Variants in MTOR observed in about 807,000 individuals in gnomAD.
MTOR encodes mechanistic target of rapamycin kinase.
Under a neutral mutation model 319.8 loss-of-function variants are expected in MTOR, and 70 were observed. The ratio of observed to expected loss-of-function variants is 0.22; its 90% CI spans 0.18 to 0.27. The LOEUF is 0.27. Ranked by LOEUF, MTOR falls within the 10% of genes least tolerant of loss-of-function variation. The pLI, the probability that MTOR is intolerant of heterozygous loss-of-function variation, is 1.00. For synonymous variants in MTOR, 1,183 were observed against 1,211.4 expected (o/e 0.98, Z 0.49); for missense variants, 1,890 against 3,274.4 (o/e 0.58, Z 10.32).
intron 30 of MTOR, among the ~76,000 whole-genome samples, chr1:11,150,608 T>TC (rs991989319): frequency 4.6e-5 from 7 of 152,312 alleles, no homozygotes; most frequent in African/African-American, 1.4e-4. Context: ...CATTTTGGGC[T>TC]CAAAGCTATA....
intron 4 of MTOR, 81 bp from the exon 5 acceptor site, chr1:11,256,273 A>G: frequency 6.6e-7 from 1 of 1,523,496 alleles, no homozygotes; most frequent in Non-Finnish European, 8.8e-7. Flanking sequence ...GTCATCTTAG[A>G]GCCATACACA....
At chr1:11,135,638 A>G (rs997494543) in intron 36 of MTOR, among the ~76,000 whole-genome samples, 22 of 152,112 alleles carry the variant, frequency 1.4e-4, no homozygotes, top group African/African-American at 5.1e-4. Flanking sequence ...GTTCCAGACC[A>G]GCCTGGCCAA....
At chr1:11,233,821 G>T (rs1647102940) in intron 14 of MTOR, among the ~76,000 whole-genome samples, 1 of 152,182 alleles carries the variant, frequency 6.6e-6, no homozygotes, top group Non-Finnish European at 1.5e-5. Flanking sequence ...GGTTGTTTCA[G>T]ATTTTCAAGC....
At chr1:11,137,245 G>A (rs1471638131) in intron 36 of MTOR, among the ~76,000 whole-genome samples, 3 of 149,918 alleles carry the variant, frequency 2.0e-5, no homozygotes, top group Non-Finnish European at 3.0e-5. Context: ...CATTGCATAC[G>A]TCACGCAGGT....
Position 11,228,997 on chromosome 1 carries a change from A to G in MTOR, c.2780-79T>C. 2.6e-6 allele frequency: 4 copies of G among 1,520,154 alleles called. No homozygotes were observed. In the South Asian group the frequency reaches 4.8e-5, roughly 18 times the overall value. 94.2% of individuals were successfully genotyped at this position (1,520,154 alleles called of 1,614,324 possible). A position where few individuals can be genotyped will look rare whatever the true frequency, so the allele number is the denominator to read the frequency against. On this transcript the variant is annotated intron_variant, in intron 18 of 57. Coordinates refer to ENST00000361445, the MANE Select transcript of MTOR (RefSeq NM_004958.4). Reference sequence around the variant, plus strand: ...AGGCAGAGCATGGTTAGTAACAAACAACCTCCTAACAGACATTAGCATTCA... The same window carrying G: ...AGGCAGAGCATGGTTAGTAACAAACGACCTCCTAACAGACATTAGCATTCA...
rs759748160 is a variant in MTOR at position 11,212,823 on chromosome 1, G to A, written c.3371C>T (p.Ala1124Val). Residue 1124 changes from alanine (A) to valine (V), a missense_variant, in exon 22 of 58, where the codon GCC becomes GTC. Ala to Val is a moderately conservative substitution (Grantham distance 64). Transcript: ENST00000361445. This position sits in a 1 kb window ranked among gnomAD's most constrained non-coding sequence, Gnocchi z 4.1. ...LLPPIVKLFD[A>V]PEAPLPSRKA... ...TCGAGATGGCAGTGGAGCTTCAGGG[G>A]CATCAAACAACTTAACAATAGGAGG... 1.2e-6 allele frequency: 2 copies of A among 1,613,974 alleles called. No individual in the cohort carries two copies. The highest frequency in any genetic ancestry group is 1.7e-6 in the Non-Finnish European group (2 of 1,179,886).
At chr1:11,238,664 G>C in intron 11 of MTOR, 47 bp from the exon 12 acceptor site, 1 of 1,518,556 alleles carries the variant, frequency 6.6e-7, no homozygotes, top group Non-Finnish European at 9.0e-7. Flanking sequence ...TGCTGCTGTA[G>C]ACAGGTAGGT....
chr1:11,194,187 C>T (rs1312303144), intron 28 of MTOR, among the ~76,000 whole-genome samples: 7 of 152,102 alleles, frequency 4.6e-5, no homozygotes, highest in Non-Finnish European at 8.8e-5. Context: ...TGGGATTCAG[C>T]AAAAACATAG....
intron 14 of MTOR, 29 bp from the exon 15 acceptor site, chr1:11,233,516 T>G (rs756711583): frequency 2.6e-6 from 4 of 1,554,262 alleles, no homozygotes; most frequent in Admixed American, 1.7e-5. Flanking sequence ...AGAAAATGAA[T>G]GCAGATTAGA....
At chr1:11,246,602 T>G (rs898329951) in intron 8 of MTOR, among the ~76,000 whole-genome samples, 6 of 83,412 alleles carry the variant, frequency 7.2e-5, no homozygotes, top group Non-Finnish European at 1.6e-4. Context: ...CTGTGGTTTG[T>G]CTGGCTGGGT....
intron 26 of MTOR, among the ~76,000 whole-genome samples, chr1:11,203,074 G>A (rs970165484): frequency 1.3e-5 from 2 of 151,816 alleles, no homozygotes; most frequent in African/African-American, 4.8e-5. Flanking sequence ...ATAGCCGGGC[G>A]TGGTGGCGTG....
At chr1:11,130,863 A>T in intron 38 of MTOR, 86 bp from the exon 39 acceptor site, 1 of 1,478,260 alleles carries the variant, frequency 6.8e-7, no homozygotes, top group Non-Finnish European at 9.0e-7. Flanking sequence ...GCTGAGGAAC[A>T]GCTGCTCCTG....
chr1:11,200,028 G>A (rs1294324899), intron 26 of MTOR, among the ~76,000 whole-genome samples: 4 of 152,228 alleles, frequency 2.6e-5, no homozygotes, highest in African/African-American at 9.6e-5. Flanking sequence ...GCGAGTGGCA[G>A]GGCGGGGAGA....
At chr1:11,137,152 TAAAAAA>T (rs33927011) in intron 36 of MTOR, among the ~76,000 whole-genome samples, 1 of 73,374 alleles carries the variant, frequency 1.4e-5, no homozygotes, top group African/African-American at 5.1e-5. Flanking sequence ...TAAATCTGAT[TAAAAAA>T]AAAAAAAAAA....
intron 26 of MTOR, among the ~76,000 whole-genome samples, chr1:11,201,736 CA>C (rs1466674557): frequency 6.6e-6 from 1 of 152,100 alleles, no homozygotes; most frequent in African/African-American, 2.4e-5. Flanking sequence ...TTTTAATTTT[CA>C]ATTTTGTATT....
intron 13 of MTOR, among the ~76,000 whole-genome samples, chr1:11,235,964 G>C (rs1250140619): frequency 6.6e-6 from 1 of 151,496 alleles, no homozygotes; most frequent in East Asian, 1.9e-4. Context: ...CCTGGCGACA[G>C]AGCGAGACTG....
intron 24 of MTOR, 108 bp downstream of exon 24, chr1:11,210,706 C>A: frequency 1.2e-6 from 1 of 829,358 alleles, no homozygotes; most frequent in East Asian, 2.6e-5. Flanking sequence ...GTTTGCCAAT[C>A]CCTAATTTAC....
intron 36 of MTOR, among the ~76,000 whole-genome samples, chr1:11,138,588 C>G (rs1643540754): frequency 2.0e-5 from 3 of 152,196 alleles, no homozygotes. Flanking sequence ...GGTTTTATTC[C>G]TCTCTCATCT....
chr1:11,241,724 T>G, intron 9 of MTOR, 43 bp from the exon 10 acceptor site: 3 of 1,582,098 alleles, frequency 1.9e-6, no homozygotes, highest in Non-Finnish European at 2.6e-6. Context: ...ATAATGACAT[T>G]CTTTAATGTC....
Sources: allele counts gnomAD v4.1 joint callset (sites outside exome capture counted in the v4.1 genomes callset), GRCh38; gene constraint gnomAD v4.1.1; non-coding constraint Gnocchi (gnomAD v3.1); transcripts MANE v1.5; gene names NCBI Gene and HGNC (gene_info 2026-07-23, HGNC 2026-07-21).